The following OPCML variants were observed in gnomAD, a reference collection of about 807,000 sequenced individuals.
OPCML encodes the protein opioid-binding protein/cell adhesion molecule.
A neutral mutation model predicts 37.8 loss-of-function variants in OPCML; 13 were observed. The ratio of observed to expected loss-of-function variants is 0.34; its 90% CI spans 0.22 to 0.55. OPCML has a LOEUF of 0.55. Among genes scored for constraint, OPCML ranks in the 20% least tolerant of loss-of-function variants. The pLI, the probability that OPCML is intolerant of heterozygous loss-of-function variation, is 0.91. For synonymous variants in OPCML, 176 were observed against 168.8 expected (o/e 1.04, Z -0.33); for missense variants, 341 against 435.6 (o/e 0.78, Z 1.93).
chr11:133,102,978 C>T (rs955277588), intron 1 of OPCML, among the ~76,000 whole-genome samples: 1 of 152,122 alleles, frequency 6.6e-6, no homozygotes, highest in Non-Finnish European at 1.5e-5. Flanking sequence ...AAGAGAATGA[C>T]CAGTGGCTCC....
intron 2 of OPCML, among the ~76,000 whole-genome samples, chr11:132,909,802 C>A (rs1321518211): frequency 1.3e-5 from 2 of 152,182 alleles, no homozygotes; most frequent in Admixed American, 1.3e-4. Flanking sequence ...GCATTTCTGA[C>A]AATATTGCTT....
chr11:133,004,299 C>T (rs1055026379), intron 1 of OPCML: 2 of 985,330 alleles, frequency 2.0e-6, no homozygotes, highest in African/African-American at 1.7e-5. Context: ...TTTGCTGTAG[C>T]TGTAATTTAA....
Position 133,181,245 on chromosome 11 carries a change from T to C in OPCML, c.62-238235A>G, listed in dbSNP as rs191312401. On this transcript the variant is annotated intron_variant, in intron 1 of 7. Coordinates refer to ENST00000524381, the MANE Select transcript of OPCML (RefSeq NM_001012393.5). ...CATGAGAAAACTGCAAAGGACTAAA[T>C]ACACACACAGCGGTGCACAAGGAAA... 3.7e-3 allele frequency among the ~76,000 whole-genome samples: 565 copies of C among 151,656 alleles called. 4 individuals are homozygous for C. The highest frequency in any genetic ancestry group is 0.013 in the African/African-American group (528 of 41,322).
At chr11:132,964,016 C>A (rs1368166136) in intron 1 of OPCML, among the ~76,000 whole-genome samples, 1 of 152,088 alleles carries the variant, frequency 6.6e-6, no homozygotes, top group African/African-American at 2.4e-5. Context: ...CTGCAAGCAG[C>A]CATTGTGTGC....
At chr11:132,824,532 T>C (rs1940185984) in intron 2 of OPCML, among the ~76,000 whole-genome samples, 1 of 152,178 alleles carries the variant, frequency 6.6e-6, no homozygotes, top group East Asian at 1.9e-4. Context: ...AAAAGAATTT[T>C]ATATACACTT....
chr11:133,434,371 A>G (rs544651264), intron 1 of OPCML, among the ~76,000 whole-genome samples: 24 of 152,300 alleles, frequency 1.6e-4, no homozygotes, highest in South Asian at 4.1e-4. Context: ...AGTTAAGTTT[A>G]CCTGTATCTT....
At chr11:132,611,992 G>C (rs1217980233) in intron 3 of OPCML, among the ~76,000 whole-genome samples, 2 of 152,128 alleles carry the variant, frequency 1.3e-5, no homozygotes, top group African/African-American at 4.8e-5. Flanking sequence ...GCCAGAGAAG[G>C]GTTCTGACCT....
rs368444245 is a variant in OPCML at position 132,965,244 on chromosome 11, C to T, written c.62-22234G>A. On this transcript the variant is annotated intron_variant, in intron 1 of 7. Coordinates refer to ENST00000524381, the MANE Select transcript of OPCML (RefSeq NM_001012393.5). ...GTGTTCCCACTTCTTCCATTTCTCT[C>T]TCTCTCTCTTTTTTGGGGGGAGGAG... Among the ~76,000 whole-genome samples, 31 of 152,302 alleles carry T rather than the reference C, an allele frequency of 2.0e-4. No individual in the cohort carries two copies. The East Asian group carries it at 5.6e-3, about 28-fold the overall frequency.
intron 1 of OPCML, among the ~76,000 whole-genome samples, chr11:133,277,223 C>T (rs1307835352): frequency 6.6e-6 from 1 of 152,108 alleles, no homozygotes; most frequent in Non-Finnish European, 1.5e-5. Context: ...ACGACTAGTC[C>T]CCTAACTCAG....
chr11:132,824,355 C>T (rs1458565137), intron 2 of OPCML, among the ~76,000 whole-genome samples: 7 of 152,172 alleles, frequency 4.6e-5, no homozygotes, highest in Admixed American at 2.6e-4. Flanking sequence ...GCAGCTCCAA[C>T]GTGCACCTAG....
chr11:133,390,275 C>T (rs911829638), intron 1 of OPCML, among the ~76,000 whole-genome samples: 7 of 152,050 alleles, frequency 4.6e-5, no homozygotes, highest in African/African-American at 1.4e-4. Flanking sequence ...CTGGCTAATA[C>T]GCTGAAACCC....
At chr11:132,450,696 T>G (rs2096066295) in intron 4 of OPCML, among the ~76,000 whole-genome samples, 1 of 152,128 alleles carries the variant, frequency 6.6e-6, no homozygotes, top group South Asian at 2.1e-4. Context: ...CACACAAGTG[T>G]TATAAATGCA....
intron 1 of OPCML, among the ~76,000 whole-genome samples, chr11:133,216,410 G>C (rs1428723489): frequency 6.6e-6 from 1 of 152,164 alleles, no homozygotes; most frequent in Non-Finnish European, 1.5e-5. Flanking sequence ...AGACGAATTT[G>C]TTCAAAACAC....
intron 1 of OPCML, among the ~76,000 whole-genome samples, chr11:133,432,903 G>A (rs1379997756): frequency 6.6e-6 from 1 of 151,962 alleles, no homozygotes; most frequent in African/African-American, 2.4e-5. Context: ...AGAAATGTTG[G>A]GAATTTCTTT....
chr11:133,109,261 A>G (rs1949213168), intron 1 of OPCML, among the ~76,000 whole-genome samples: 1 of 152,142 alleles, frequency 6.6e-6, no homozygotes, highest in African/African-American at 2.4e-5. Context: ...CACGGACCCA[A>G]AGAGTGGGCA....
At chr11:133,063,339 C>T (rs1332476897) in intron 1 of OPCML, among the ~76,000 whole-genome samples, 1 of 152,112 alleles carries the variant, frequency 6.6e-6, no homozygotes, top group Non-Finnish European at 1.5e-5. Context: ...ACAGACTAGA[C>T]AGCCTCCCAT....
At chr11:133,247,535 C>CTTCTTTTTCTTTCTTTCTTTCT (rs1565527986) in intron 1 of OPCML, among the ~76,000 whole-genome samples, 10 of 58,922 alleles carry the variant, frequency 1.7e-4, no homozygotes, top group East Asian at 2.1e-3. Context: ...TCTTTCTTTC[C>CTTCTTTTTCTTTCTTTCTTTCT]TTCTTTTTCT....
chr11:133,465,204 A>T (rs1157783765), intron 1 of OPCML, among the ~76,000 whole-genome samples: 3 of 152,182 alleles, frequency 2.0e-5, no homozygotes, highest in Non-Finnish European at 4.4e-5. Flanking sequence ...CTGCATTCTT[A>T]GACCTCTGGC....
chr11:133,058,366 G>C (rs1948277942), intron 1 of OPCML, among the ~76,000 whole-genome samples: 1 of 152,206 alleles, frequency 6.6e-6, no homozygotes, highest in South Asian at 2.1e-4. Flanking sequence ...AGAGATGCAG[G>C]AGAGCATGGT....
Sources: gnomAD v4.1 joint callset for allele counts (sites outside exome capture counted in the v4.1 genomes callset) on GRCh38, gnomAD v4.1.1 for gene constraint, MANE v1.5 for transcripts, NCBI Gene and HGNC (gene_info 2026-07-23, HGNC 2026-07-21) for gene names.